The following FARP2 variants were observed in gnomAD, a reference collection of about 807,000 sequenced individuals.
The protein encoded by FARP2 is FERM, ARHGEF and pleckstrin domain-containing protein 2.
FARP2 carries 111 observed loss-of-function variants against 130.5 expected under a neutral mutation model. That is an observed-to-expected ratio of 0.85 (90% CI 0.73 to 1.00). The LOEUF (loss-of-function observed/expected upper bound fraction) is 1.00. Ranked by LOEUF, FARP2 falls within the 50% of genes least tolerant of loss-of-function variation. FARP2 has a pLI of 0.00. For missense variants in FARP2, 1,385 were observed against 1,346.3 expected (o/e 1.03, Z -0.45); for synonymous variants, 504 against 516.9 (o/e 0.98, Z 0.34).
At chr2:241,464,506 T>A (rs10182982) in intron 17 of FARP2, among the ~76,000 whole-genome samples, 65,252 of 148,626 alleles carry the variant, frequency 0.44, 14,405 homozygotes, top group Admixed American at 0.57. Context: ...TCAGAACAGG[T>A]TCCTACTCAA....
At chr2:241,411,176 A>G in intron 6 of FARP2, 46 bp downstream of exon 6, 1 of 1,320,150 alleles carries the variant, frequency 7.6e-7, no homozygotes, top group Non-Finnish European at 1.1e-6. Flanking sequence ...ACCATGGCAC[A>G]GATATACCCG....
At chr2:241,405,935 GA>G (rs558747097) in intron 4 of FARP2, among the ~76,000 whole-genome samples, 7 of 148,674 alleles carry the variant, frequency 4.7e-5, no homozygotes, top group South Asian at 4.3e-4. Flanking sequence ...CTGCATCTGA[GA>G]AAAAAAAAGT....
chr2:241,361,664 C>T (rs981109513), intron 1 of FARP2, among the ~76,000 whole-genome samples: 16 of 152,222 alleles, frequency 1.1e-4, no homozygotes, highest in African/African-American at 3.6e-4. Flanking sequence ...GCCCAGAAAC[C>T]TGAGCCAGAC....
intron 6 of FARP2, 53 bp from the exon 7 acceptor site, chr2:241,413,254 C>T: frequency 2.6e-6 from 3 of 1,148,224 alleles, no homozygotes; most frequent in Non-Finnish European, 3.8e-6. Context: ...ATGACACATA[C>T]AAATGCTTGT....
chr2:241,374,546 C>T (rs907479457), intron 2 of FARP2, among the ~76,000 whole-genome samples: 3 of 152,012 alleles, frequency 2.0e-5, no homozygotes, highest in Non-Finnish European at 4.4e-5. Context: ...AGCTGTGGAC[C>T]TTATTGCGGA....
intron 2 of FARP2, among the ~76,000 whole-genome samples, chr2:241,376,086 C>G (rs751723753): frequency 5.3e-5 from 8 of 152,150 alleles, no homozygotes; most frequent in Non-Finnish European, 8.8e-5. Flanking sequence ...TTTGGAGGCT[C>G]TACTAGGCTG....
Position 241,453,766 on chromosome 2 carries a change from CTGGTT to C in FARP2, c.1412-2979_1412-2975del, listed in dbSNP as rs2063749921. Among the ~76,000 whole-genome samples the C allele has an allele frequency of 2.8e-5, 3 of 108,382 alleles. No individual in the cohort carries two copies. The East Asian group carries it at 1.0e-3, about 37-fold the overall frequency. 71.1% of individuals were successfully genotyped at this position (108,382 alleles called of 152,430 possible). A position where few individuals can be genotyped will look rare whatever the true frequency, so the allele number is the denominator to read the frequency against. On this transcript the variant is annotated intron_variant, in intron 13 of 26. Transcript: ENST00000264042. ...GGTTGTTTACTGGGAGTGGCACTTA[CTGGTT>C]TTTTTTTTTTTTTTTTTTTTTTTTT...
intron 13 of FARP2, among the ~76,000 whole-genome samples, chr2:241,452,099 T>C (rs1248562297): frequency 6.6e-6 from 1 of 152,192 alleles, no homozygotes; most frequent in Non-Finnish European, 1.5e-5. Flanking sequence ...GTCAAAAAGA[T>C]TTTCTAAGAC....
At chr2:241,466,746 C>A in intron 17 of FARP2, 1 of 300,162 alleles carries the variant, frequency 3.3e-6, no homozygotes, top group Non-Finnish European at 4.8e-6. Flanking sequence ...AGCTTTTACA[C>A]CTGGAGAAAC....
chr2:241,382,335 C>T (rs1315967166), intron 2 of FARP2, among the ~76,000 whole-genome samples: 25 of 135,712 alleles, frequency 1.8e-4, no homozygotes, highest in African/African-American at 6.3e-4. Context: ...CATTCTGTTG[C>T]CCAGGCTGGA....
At chr2:241,358,917 C>T (rs537205121) in intron 1 of FARP2, among the ~76,000 whole-genome samples, 4 of 152,278 alleles carry the variant, frequency 2.6e-5, no homozygotes, top group East Asian at 1.9e-4. Flanking sequence ...TGGAAAGTAG[C>T]AGTATGTGGC....
intron 26 of FARP2, 105 bp downstream of exon 26, chr2:241,493,549 G>A: frequency 9.5e-7 from 1 of 1,051,230 alleles, no homozygotes; most frequent in Non-Finnish European, 1.4e-6. Flanking sequence ...CCCTGGAAAG[G>A]AAGGGCTGAG....
intron 8 of FARP2, 86 bp downstream of exon 8, chr2:241,418,195 A>C (rs2062725893): frequency 6.8e-7 from 1 of 1,465,494 alleles, no homozygotes; most frequent in Admixed American, 1.8e-5. Flanking sequence ...AGATGTTAGT[A>C]AATATTTGTC....
intron 2 of FARP2, among the ~76,000 whole-genome samples, chr2:241,383,915 A>C (rs2061721969): frequency 6.6e-6 from 1 of 152,028 alleles, no homozygotes; most frequent in African/African-American, 2.4e-5. Context: ...TGGTGGGAAG[A>C]AGCGTTGTTG....
chr2:241,404,436 CTT>C (rs911051562), intron 3 of FARP2, among the ~76,000 whole-genome samples: 5 of 152,298 alleles, frequency 3.3e-5, no homozygotes, highest in Non-Finnish European at 5.9e-5. Flanking sequence ...TGACGTACCT[CTT>C]TTTTGCAGAA....
chr2:241,453,654 A>G (rs1435295004), intron 13 of FARP2, among the ~76,000 whole-genome samples: 1 of 151,970 alleles, frequency 6.6e-6, no homozygotes, highest in African/African-American at 2.4e-5. Context: ...ATATTATCAA[A>G]TGATGACTTT....
intron 8 of FARP2, among the ~76,000 whole-genome samples, chr2:241,420,294 A>C (rs948243447): frequency 6.6e-6 from 1 of 152,218 alleles, no homozygotes; most frequent in African/African-American, 2.4e-5. Flanking sequence ...TTACATGGAG[A>C]AAAGATTGAA....
At chr2:241,361,284 G>C (rs1472404695) in intron 1 of FARP2, among the ~76,000 whole-genome samples, 6 of 152,114 alleles carry the variant, frequency 3.9e-5, no homozygotes, top group African/African-American at 1.4e-4. Flanking sequence ...AAAAGCCCTG[G>C]TGAACCAGCA....
At chr2:241,399,710 G>A (rs939066798) in intron 2 of FARP2, among the ~76,000 whole-genome samples, 14 of 152,108 alleles carry the variant, frequency 9.2e-5, no homozygotes, top group African/African-American at 3.4e-4. Context: ...GTAATATTCA[G>A]GTAGTCGATA....
Sources: allele counts gnomAD v4.1 joint callset (sites outside exome capture counted in the v4.1 genomes callset), GRCh38; gene constraint gnomAD v4.1.1; transcripts MANE v1.5; gene names NCBI Gene and HGNC (gene_info 2026-07-23, HGNC 2026-07-21).